Variants in EXOC6 observed in about 807,000 individuals in gnomAD.
EXOC6 encodes the protein SEC15-like 1.
Under a neutral mutation model 112.5 loss-of-function variants are expected in EXOC6, and 60 were observed. The observed-to-expected ratio is 0.53, with a 90% CI of 0.43 to 0.66. EXOC6 has a LOEUF of 0.66. EXOC6 is among the 30% of genes least tolerant of loss of function. The pLI, the probability that EXOC6 is intolerant of heterozygous loss-of-function variation, is 0.00. For missense variants in EXOC6, 855 were observed against 957.1 expected, an observed-to-expected ratio of 0.89 and a Z score of 1.41; for synonymous variants, 295 against 308.0, an observed-to-expected ratio of 0.96 and a Z score of 0.44.
At chr10:92,923,460 T>A (rs756164811) in intron 8 of EXOC6, among the ~76,000 whole-genome samples, 6 of 152,076 alleles carry the variant, frequency 3.9e-5, no homozygotes, top group Non-Finnish European at 8.8e-5. Context: ...TGGCTACAGG[T>A]CTCTTATGAG....
intron 18 of EXOC6, among the ~76,000 whole-genome samples, chr10:92,976,870 A>G (rs79331167): frequency 0.011 from 1,622 of 152,254 alleles, 34 homozygotes; most frequent in African/African-American, 0.037. Context: ...GGACATTTGG[A>G]TATAAAGAAG....
At chr10:93,055,046 T>C (rs1048139185) in intron 20 of EXOC6, among the ~76,000 whole-genome samples, 13 of 152,190 alleles carry the variant, frequency 8.5e-5, no homozygotes, top group Admixed American at 8.5e-4. Flanking sequence ...CTCATTATGT[T>C]GCCCAGGGTG....
chr10:92,856,610 A>G (rs1321244860), intron 1 of EXOC6, among the ~76,000 whole-genome samples: 1 of 152,182 alleles, frequency 6.6e-6, no homozygotes, highest in Non-Finnish European at 1.5e-5. Context: ...ATTGCCTAAC[A>G]TAGTCTGTAC....
intron 18 of EXOC6, among the ~76,000 whole-genome samples, chr10:92,996,051 T>G (rs1392066753): frequency 6.6e-6 from 1 of 152,212 alleles, no homozygotes; most frequent in Non-Finnish European, 1.5e-5. Context: ...CATTTCTGTT[T>G]GGGAGATTTT....
At chr10:92,966,142 A>G (rs1286792845) in intron 17 of EXOC6, among the ~76,000 whole-genome samples, 1 of 152,128 alleles carries the variant, frequency 6.6e-6, no homozygotes, top group East Asian at 1.9e-4. Flanking sequence ...AGACTTATCA[A>G]CAAAGTTCTA....
intron 1 of EXOC6, among the ~76,000 whole-genome samples, chr10:92,839,807 G>T (rs1846779447): frequency 6.6e-6 from 1 of 151,230 alleles, no homozygotes; most frequent in Admixed American, 6.6e-5. Flanking sequence ...ACATTGTAGG[G>T]TACTGCAAAG....
intron 20 of EXOC6, among the ~76,000 whole-genome samples, chr10:93,016,186 A>G (rs10882139): frequency 0.64 from 97,603 of 152,070 alleles, 34,124 homozygotes; most frequent in East Asian, 0.99. Flanking sequence ...CCAGGCTGGA[A>G]TGCAGTGTCA....
At chr10:93,034,568 G>A (rs999404355) in intron 20 of EXOC6, among the ~76,000 whole-genome samples, 1 of 152,212 alleles carries the variant, frequency 6.6e-6, no homozygotes, top group Admixed American at 6.5e-5. Flanking sequence ...ACATGAACAA[G>A]CTTTGAATCT....
intron 8 of EXOC6, among the ~76,000 whole-genome samples, chr10:92,921,243 T>TC (rs1215307976): frequency 1.5e-4 from 17 of 116,796 alleles, no homozygotes; most frequent in Admixed American, 3.9e-4. Context: ...CTTTGTCATT[T>TC]CCTTTTTTTT....
chr10:92,890,824 A>T (rs1269756708), intron 1 of EXOC6, among the ~76,000 whole-genome samples: 1 of 152,192 alleles, frequency 6.6e-6, no homozygotes, highest in African/African-American at 2.4e-5. Flanking sequence ...TGAGGTAACA[A>T]GAGGCAAAAT....
At chr10:92,924,353 T>C (rs2133921215) in intron 8 of EXOC6, among the ~76,000 whole-genome samples, 1 of 152,340 alleles carries the variant, frequency 6.6e-6, no homozygotes, top group South Asian at 2.1e-4. Flanking sequence ...TTAGTAAAGC[T>C]GTATCTTTTA....
intron 1 of EXOC6, among the ~76,000 whole-genome samples, chr10:92,843,010 G>A (rs1419360201): frequency 6.6e-6 from 1 of 152,106 alleles, no homozygotes; most frequent in African/African-American, 2.4e-5. Context: ...ACATGAACAT[G>A]GTACACAGCA....
intron 1 of EXOC6, among the ~76,000 whole-genome samples, chr10:92,857,166 CTT>C (rs11407715): frequency 2.1e-5 from 3 of 144,684 alleles, no homozygotes; most frequent in Non-Finnish European, 1.5e-5. Context: ...TTCTTTCTTC[CTT>C]TTTTTTTTTG....
intron 18 of EXOC6, among the ~76,000 whole-genome samples, chr10:92,977,929 G>T (rs1447302311): frequency 6.6e-6 from 1 of 152,038 alleles, no homozygotes; most frequent in Non-Finnish European, 1.5e-5. Context: ...GGTCTAACTA[G>T]ATCACTCATC....
chr10:92,876,640 A>AT (rs1589746832), intron 1 of EXOC6, among the ~76,000 whole-genome samples: 1 of 152,236 alleles, frequency 6.6e-6, no homozygotes, highest in East Asian at 1.9e-4. Flanking sequence ...AGGGTCCTGT[A>AT]TGTCCAACCT....
intron 20 of EXOC6, among the ~76,000 whole-genome samples, chr10:93,040,637 A>T (rs1420646550): frequency 6.6e-6 from 1 of 152,106 alleles, no homozygotes; most frequent in Non-Finnish European, 1.5e-5. Flanking sequence ...TTTATAATTG[A>T]TTATTCTTAT....
Position 92,909,296 on chromosome 10 carries a change from A to G in EXOC6, c.459-131A>G, listed in dbSNP as rs1589811433. ...CCTTGACAAATAGATGTAAATATTA[A>G]TTTTACTTATTTTAACTAGGACTAG... On this transcript the variant is annotated intron_variant, in intron 5 of 21. Coordinates refer to ENST00000260762, the MANE Select transcript of EXOC6 (RefSeq NM_019053.6). 4 of 593,516 alleles carry G rather than the reference A, an allele frequency of 6.7e-6. No homozygotes were observed. The South Asian group carries it at 1.2e-4, about 18-fold the overall frequency. The allele number at this position is 593,516 out of a possible 1,614,324, so 36.8% of individuals were successfully genotyped here. A position where few individuals can be genotyped will look rare whatever the true frequency, so the allele number is the denominator to read the frequency against.
chr10:92,963,807 A>G (rs1854151668), intron 17 of EXOC6, among the ~76,000 whole-genome samples: 1 of 152,126 alleles, frequency 6.6e-6, no homozygotes, highest in Non-Finnish European at 1.5e-5. Context: ...AATCTTTTAG[A>G]GAGATTTCTA....
chr10:92,945,956 G>A (rs995569667), intron 13 of EXOC6, among the ~76,000 whole-genome samples: 2 of 152,160 alleles, frequency 1.3e-5, no homozygotes, highest in Middle Eastern at 3.4e-3. Flanking sequence ...GATTAGTGGC[G>A]CACACCCTGT....
Sources: gnomAD v4.1 joint callset for allele counts (sites outside exome capture counted in the v4.1 genomes callset) on GRCh38, gnomAD v4.1.1 for gene constraint, MANE v1.5 for transcripts, NCBI Gene and HGNC (gene_info 2026-07-23, HGNC 2026-07-21) for gene names.